The following ADAMTS3 variants were observed in gnomAD, a reference collection of about 807,000 sequenced individuals.
ADAMTS3 encodes the protein A disintegrin and metalloproteinase with thrombospondin motifs 3.
Under a neutral mutation model 129.0 loss-of-function variants are expected in ADAMTS3, and 73 were observed. That is an observed-to-expected ratio of 0.57 (90% CI 0.47 to 0.69). The LOEUF (loss-of-function observed/expected upper bound fraction) is 0.69. Ranked by LOEUF, ADAMTS3 falls within the 30% of genes least tolerant of loss-of-function variation. The pLI, the probability that ADAMTS3 is intolerant of heterozygous loss-of-function variation, is 0.00. For missense variants in ADAMTS3, 1,457 were observed against 1,514.5 expected, an observed-to-expected ratio of 0.96 and a Z score of 0.63; for synonymous variants, 477 against 510.8, an observed-to-expected ratio of 0.93 and a Z score of 0.89.
intron 3 of ADAMTS3, among the ~76,000 whole-genome samples, chr4:72,541,999 T>C (rs1721343635): frequency 6.6e-6 from 1 of 152,202 alleles, no homozygotes; most frequent in South Asian, 2.1e-4. Context: ...TTAGAAAGTA[T>C]TCTAGTAAAA....
intron 2 of ADAMTS3, among the ~76,000 whole-genome samples, chr4:72,554,567 A>T (rs572503040): frequency 1.1e-4 from 17 of 148,886 alleles, no homozygotes; most frequent in Non-Finnish European, 2.2e-4. Context: ...TGATGTGCTG[A>T]TTCTCCCAAA....
intron 4 of ADAMTS3, among the ~76,000 whole-genome samples, chr4:72,401,566 C>CAAAAAAAAAAAAAAA (rs374322807): frequency 1.2e-3 from 44 of 36,938 alleles, no homozygotes; most frequent in African/African-American, 1.5e-3. Context: ...TACTCTGTCT[C>CAAAAAAAAAAAAAAA]AAAAAAAAAA....
At chr4:72,502,760 T>C (rs553112347) in intron 3 of ADAMTS3, among the ~76,000 whole-genome samples, 1 of 152,240 alleles carries the variant, frequency 6.6e-6, no homozygotes, top group East Asian at 1.9e-4. Flanking sequence ...GGGGTACATG[T>C]GCAGAACATG....
At chr4:72,339,766 G>A in intron 4 of ADAMTS3, 73 bp from the exon 5 acceptor site, 1 of 1,266,220 alleles carries the variant, frequency 7.9e-7, no homozygotes, top group Non-Finnish European at 1.1e-6. Context: ...TAGAAAAAAA[G>A]AATCTTCTCA....
chr4:72,447,428 T>C (rs1189212646), intron 3 of ADAMTS3, among the ~76,000 whole-genome samples: 1 of 151,808 alleles, frequency 6.6e-6, no homozygotes, highest in African/African-American at 2.4e-5. Context: ...GATCTCAGCC[T>C]GAATTTATTT....
chr4:72,312,495 C>G, intron 12 of ADAMTS3, 29 bp from the exon 13 acceptor site: 1 of 1,608,430 alleles, frequency 6.2e-7, no homozygotes, highest in African/African-American at 1.3e-5. Context: ...TTAAAAAGGC[C>G]TTTTGGCTTC....
intron 3 of ADAMTS3, among the ~76,000 whole-genome samples, chr4:72,476,432 T>C (rs550507368): frequency 2.5e-4 from 38 of 152,206 alleles, no homozygotes; most frequent in African/African-American, 8.4e-4. Flanking sequence ...AAATAGATAA[T>C]TTAAACATCC....
intron 5 of ADAMTS3, among the ~76,000 whole-genome samples, chr4:72,330,215 C>T (rs927066545): frequency 6.6e-6 from 1 of 152,030 alleles, no homozygotes; most frequent in Non-Finnish European, 1.5e-5. Context: ...CATGGGGTTT[C>T]ACCATGTTGG....
rs919937241 is a variant in ADAMTS3, at chr4:72,545,980, T to C, written c.504+2498A>G. Reference sequence around the variant, plus strand: ...TCAATCATAGGCATATTGGCTCATATTTTTTAAGTGGACTTTTTAAAAAGT... The same window carrying C: ...TCAATCATAGGCATATTGGCTCATACTTTTTAAGTGGACTTTTTAAAAAGT... On this transcript the variant is annotated intron_variant, in intron 3 of 21. Coordinates refer to ENST00000286657, the MANE Select transcript of ADAMTS3 (RefSeq NM_014243.3). Among the ~76,000 whole-genome samples the C allele has an allele frequency of 1.1e-4, 16 of 152,212 alleles. 1 individual carries two copies. Among genetic ancestry groups the C allele is most frequent in the Admixed American group, 1.0e-3 (16 of 15,272 alleles).
chr4:72,519,141 T>C (rs1225788956), intron 3 of ADAMTS3, among the ~76,000 whole-genome samples: 1 of 152,070 alleles, frequency 6.6e-6, no homozygotes, highest in Non-Finnish European at 1.5e-5. Flanking sequence ...CAAATTCTTT[T>C]CTTTAAGAAT....
At position 72,526,733 on chromosome 4, in the gene ADAMTS3, C is replaced by CAT. The variant is rs36097990; in HGVS notation, c.504+21743_504+21744dup. ...TAGAGACAGAAAAAATATATACATA[C>CAT]ATATATATATATATATATATATATA... On this transcript the variant is annotated intron_variant, in intron 3 of 21. Transcript: ENST00000286657. Among the ~76,000 whole-genome samples, 818 of 98,638 alleles carry CAT rather than the reference C, an allele frequency of 8.3e-3. 5 individuals carry two copies. The highest frequency in any genetic ancestry group is 9.9e-3 in the Non-Finnish European group (512 of 51,552). 64.7% of individuals were successfully genotyped at this position (98,638 alleles called of 152,430 possible).
intron 4 of ADAMTS3, among the ~76,000 whole-genome samples, chr4:72,360,661 T>C (rs1720699719): frequency 6.6e-6 from 1 of 151,998 alleles, no homozygotes; most frequent in South Asian, 2.1e-4. Context: ...TACTGCAACA[T>C]ATTTTGCTTA....
chr4:72,441,942 T>C (rs1230828347), intron 3 of ADAMTS3: 1 of 149,736 alleles, frequency 6.7e-6, no homozygotes, highest in Non-Finnish European at 1.5e-5. Context: ...CTTTCCTTCA[T>C]GATCACTAGA....
chr4:72,492,502 T>C (rs1156978952), intron 3 of ADAMTS3, among the ~76,000 whole-genome samples: 1 of 151,596 alleles, frequency 6.6e-6, no homozygotes, highest in Non-Finnish European at 1.5e-5. Context: ...TTAGTTTCCA[T>C]ATATTTGTGA....
chr4:72,542,393 T>C (rs778512024), intron 3 of ADAMTS3, among the ~76,000 whole-genome samples: 1 of 152,042 alleles, frequency 6.6e-6, no homozygotes, highest in African/African-American at 2.4e-5. Flanking sequence ...CTCGATCTCC[T>C]GACCTTGTGA....
intron 4 of ADAMTS3, among the ~76,000 whole-genome samples, chr4:72,408,869 C>A (rs1722116277): frequency 1.3e-5 from 2 of 151,762 alleles, no homozygotes; most frequent in Admixed American, 1.3e-4. Flanking sequence ...TGAACAATAA[C>A]AACACATGGA....
intron 3 of ADAMTS3, among the ~76,000 whole-genome samples, chr4:72,494,127 TG>T (rs1364382854): frequency 6.6e-6 from 1 of 152,192 alleles, no homozygotes; most frequent in Non-Finnish European, 1.5e-5. Context: ...GCTCAAGATT[TG>T]GGAAGTTTTC....
intron 2 of ADAMTS3, among the ~76,000 whole-genome samples, chr4:72,557,992 A>G (rs1721809837): frequency 6.6e-6 from 1 of 151,822 alleles, no homozygotes; most frequent in Non-Finnish European, 1.5e-5. Context: ...TCTAAAAATT[A>G]ATATTTCTCA....
At chr4:72,550,896 C>T (rs1011008768) in intron 2 of ADAMTS3, among the ~76,000 whole-genome samples, 1 of 152,088 alleles carries the variant, frequency 6.6e-6, no homozygotes, top group Non-Finnish European at 1.5e-5. Context: ...AGACAAAGAA[C>T]TCCCCATTCA....
Sources: gnomAD v4.1 joint callset for allele counts (sites outside exome capture counted in the v4.1 genomes callset) on GRCh38, gnomAD v4.1.1 for gene constraint, MANE v1.5 for transcripts, NCBI Gene and HGNC (gene_info 2026-07-23, HGNC 2026-07-21) for gene names.